TMEM204: variants seen among roughly 807,000 people sequenced by gnomAD.
The protein encoded by TMEM204 is claudin-like protein 24.
Under a neutral mutation model 19.4 loss-of-function variants are expected in TMEM204, and 15 were observed. The ratio of observed to expected loss-of-function variants is 0.77; its 90% CI spans 0.52 to 1.19. The LOEUF (loss-of-function observed/expected upper bound fraction) is 1.19, where lower values mean the gene tolerates loss of function less well. TMEM204 is among the 50% of genes most tolerant of loss of function. The pLI, the probability that TMEM204 is intolerant of heterozygous loss-of-function variation, is 0.00. For missense variants in TMEM204, 287 were observed against 321.2 expected (o/e 0.89, Z 0.81); for synonymous variants, 161 against 146.0 (o/e 1.10, Z -0.74).
chr16:1,536,436 C>A (rs2031079631), intron 1 of TMEM204, among the ~76,000 whole-genome samples: 1 of 152,178 alleles, frequency 6.6e-6, no homozygotes. Context: ...CCTGGTCAGC[C>A]CCTTGGACAA....
In TMEM204 at chr16:1,541,380, C is replaced by G. The variant is rs1413281441; in HGVS notation, c.281-541C>G. Reference sequence around the variant, plus strand: ...CCAGATGAGCTGCTTCTCCTCGGTCCCAAGTCCCTCAGCTGCTGGGAGGAG... The same window carrying G: ...CCAGATGAGCTGCTTCTCCTCGGTCGCAAGTCCCTCAGCTGCTGGGAGGAG... On this transcript the variant is annotated intron_variant, in intron 1 of 2. Coordinates refer to ENST00000566264, the MANE Select transcript of TMEM204 (RefSeq NM_024600.6). The G allele has an allele frequency of 7.1e-6, 7 of 985,300 alleles. No homozygotes were observed. The African/African-American group carries it at 8.7e-5, about 12-fold the overall frequency. The allele number at this position is 985,300 out of a possible 1,614,324, so 61.0% of individuals were successfully genotyped here.
intron 2 of TMEM204, among the ~76,000 whole-genome samples, chr16:1,544,135 A>T (rs1224726845): frequency 6.7e-6 from 1 of 149,788 alleles, no homozygotes; most frequent in Non-Finnish European, 1.5e-5. Context: ...CTCCTGCCTC[A>T]GCCTCCCGTG....
chr16:1,539,223 C>T (rs989444149), intron 1 of TMEM204, among the ~76,000 whole-genome samples: 1 of 151,864 alleles, frequency 6.6e-6, no homozygotes, highest in Non-Finnish European at 1.5e-5. Context: ...AACGCCGACC[C>T]AAGCCTCAGG....
Position 1,551,607 on chromosome 16 carries a change from G to A in TMEM204, c.437-3175G>A, listed in dbSNP as rs911327750. 2.6e-5 allele frequency among the ~76,000 whole-genome samples: 4 copies of A among 152,148 alleles called. No individual in the cohort carries two copies. The highest frequency in any genetic ancestry group is 1.3e-4 in the Admixed American group (2 of 15,282). On this transcript the variant is annotated intron_variant, in intron 2 of 2. Coordinates refer to ENST00000566264, the MANE Select transcript of TMEM204 (RefSeq NM_024600.6). This position sits in a 1 kb window ranked among gnomAD's most constrained non-coding sequence, Gnocchi z 4.0. ...ATCAGTATCCCCAGCAAGGTCACCC[G>A]GCACTGCTGCAGACACCTTGAAACG... is the stretch of plus-strand genomic sequence containing the variant.
intron 1 of TMEM204, among the ~76,000 whole-genome samples, chr16:1,537,036 T>A (rs1275908576): frequency 6.6e-6 from 1 of 152,206 alleles, no homozygotes; most frequent in East Asian, 1.9e-4. Context: ...TCCAGCCAGC[T>A]CCTAGCGTCT....
Position 1,555,043 on chromosome 16 carries a change from C to A in TMEM204, c.*17C>A, listed in dbSNP as rs12443936. ...CCATGCTGAGTCGCCCTTCTCAGCG[C>A]TCCATCAACGCACACCTGCTATCGT... On this transcript the variant is annotated 3_prime_UTR_variant, in exon 3 of 3. Transcript: ENST00000566264. The A allele has an allele frequency of 8.1e-6, 13 of 1,598,228 alleles. No individual in the cohort carries two copies. Among genetic ancestry groups the A allele is most frequent in the Admixed American group, 1.7e-5 (1 of 59,504 alleles).
In TMEM204 at chr16:1,554,767, T is replaced by G. The variant is rs1166001329; in HGVS notation, c.437-15T>G. The G allele has an allele frequency of 6.2e-7, 1 of 1,613,398 alleles. No homozygotes were observed. The highest frequency in any genetic ancestry group is 8.5e-7 in the Non-Finnish European group (1 of 1,179,520). ...CCTCTCAGACAAGGCCTCTCAACCCTTCTCTCATCTGCAGGTTTTGTCCTG... is the reference window on the plus strand; with the variant it reads ...CCTCTCAGACAAGGCCTCTCAACCCGTCTCTCATCTGCAGGTTTTGTCCTG... On this transcript the variant is annotated splice_polypyrimidine_tract_variant and intron_variant, in intron 2 of 2. Transcript: ENST00000566264.
chr16:1,534,032 T>C lies in TMEM204; in HGVS notation c.-244T>C. ...TTGCTGCTGCCCACCCTCTGCTCCCTGGGATGGGCCCCGAGGCGAGCAGCT... is the reference window on the plus strand; with the variant it reads ...TTGCTGCTGCCCACCCTCTGCTCCCCGGGATGGGCCCCGAGGCGAGCAGCT... On this transcript the variant is annotated 5_prime_UTR_variant, in exon 1 of 3. Coordinates refer to ENST00000566264, the MANE Select transcript of TMEM204 (RefSeq NM_024600.6). 1.9e-6 allele frequency: 1 copy of C among 530,384 alleles called. No individual in the cohort carries two copies. The highest frequency in any genetic ancestry group is 3.5e-5 in the East Asian group (1 of 28,262). 32.9% of individuals were successfully genotyped at this position (530,384 alleles called of 1,614,324 possible). A position where few individuals can be genotyped will look rare whatever the true frequency, so the allele number is the denominator to read the frequency against.
At chr16:1,548,481 C>T (rs892791641) in intron 2 of TMEM204, among the ~76,000 whole-genome samples, 1 of 152,252 alleles carries the variant, frequency 6.6e-6, no homozygotes, top group Non-Finnish European at 1.5e-5. Context: ...TTTGGCAACA[C>T]AACTTCATGA....
At chr16:1,545,048 C>CAA (rs1567352750) in intron 2 of TMEM204, among the ~76,000 whole-genome samples, 1 of 152,236 alleles carries the variant, frequency 6.6e-6, no homozygotes, top group Admixed American at 6.5e-5. Context: ...TTACTTCCTG[C>CAA]AAAATCTTAT....
At position 1,534,511 on chromosome 16, in the gene TMEM204, G is replaced by C; in HGVS notation, c.236G>C (p.Gly79Ala). Residue 79 changes from glycine to alanine, a missense_variant, in exon 1 of 3, where the codon GGC becomes GCC. Coordinates refer to ENST00000566264, the MANE Select transcript of TMEM204 (RefSeq NM_024600.6). Reference sequence around the variant, plus strand: ...CATGACTGTGAGGCGCTGGGCTGGGGCTCCGAGGCAGCCGGCTTCCAGGAG... The same window carrying C: ...CATGACTGTGAGGCGCTGGGCTGGGCCTCCGAGGCAGCCGGCTTCCAGGAG... ...DAHDCEALGW[G>A]SEAAGFQESR... The C allele has an allele frequency of 6.2e-7, 1 of 1,607,934 alleles. No homozygotes were observed. Among genetic ancestry groups the C allele is most frequent in the East Asian group, 2.2e-5 (1 of 44,878 alleles).
chr16:1,538,130 G>A (rs748896861), intron 1 of TMEM204, among the ~76,000 whole-genome samples: 5 of 152,202 alleles, frequency 3.3e-5, no homozygotes, highest in Non-Finnish European at 7.3e-5. Flanking sequence ...AGGCGGGAGC[G>A]TGGCTCAGAC....
rs374458197 is a variant in TMEM204 at position 1,534,274 on chromosome 16, C to T, written c.-2C>T. ...GGATAAGCGGCGGCACCGGCGTCAG[C>T]GATGACCGTGCAGAGACTCGTGGCC... On this transcript the variant is annotated 5_prime_UTR_variant, in exon 1 of 3. Coordinates refer to ENST00000566264, the MANE Select transcript of TMEM204 (RefSeq NM_024600.6). 14 of 1,610,914 alleles carry T rather than the reference C, an allele frequency of 8.7e-6. No individual in the cohort carries two copies. Among genetic ancestry groups the T allele is most frequent in the South Asian group, 4.4e-5 (4 of 91,000 alleles).
rs563104652 is a variant in TMEM204 at position 1,545,719 on chromosome 16, C to G, written c.436+3643C>G. Among the ~76,000 whole-genome samples the G allele has an allele frequency of 3.3e-5, 5 of 152,294 alleles. No homozygotes were observed. The South Asian group carries it at 1.0e-3, about 32-fold the overall frequency. On this transcript the variant is annotated intron_variant, in intron 2 of 2. Coordinates refer to ENST00000566264, the MANE Select transcript of TMEM204 (RefSeq NM_024600.6). ...AAAAGTACATGGAATTATGGGGAGG[C>G]TGGAATACCCTGGAAAGCCAGAGTG...
At chr16:1,537,385 G>A (rs946182860) in intron 1 of TMEM204, among the ~76,000 whole-genome samples, 8 of 152,338 alleles carry the variant, frequency 5.3e-5, no homozygotes, top group Non-Finnish European at 7.4e-5. Flanking sequence ...TCCAGCGCTC[G>A]TCACTCGCAA....
At chr16:1,540,910 T>G (rs1284179548) in intron 1 of TMEM204, 1 of 985,288 alleles carries the variant, frequency 1.0e-6, no homozygotes, top group Non-Finnish European at 1.2e-6. Context: ...CCAGGCTGAG[T>G]GTCTGTCAGC....
In TMEM204 at chr16:1,554,814, T is replaced by C. The variant is rs146726791; in HGVS notation, c.469T>C (p.Tyr157His). ...CCTGGTCATCGGGCTCGTGACTTTC[T>C]ACAGAATTGGCCCATACACCAACCT... ...FVLVIGLVTF[Y>H]RIGPYTNLSW... The change falls in exon 3 of 3, where the codon TAC (tyrosine) becomes CAC (histidine). Residue 157 changes from tyrosine to histidine, a missense_variant. Transcript: ENST00000566264. The C allele has an allele frequency of 5.0e-6, 8 of 1,614,188 alleles. No homozygotes were observed. The highest frequency in any genetic ancestry group is 6.8e-6 in the Non-Finnish European group (8 of 1,180,034).
chr16:1,544,655 TTTTC>T (rs1313807894), intron 2 of TMEM204, among the ~76,000 whole-genome samples: 1 of 151,752 alleles, frequency 6.6e-6, no homozygotes, highest in Non-Finnish European at 1.5e-5. Flanking sequence ...TTTTTCTTTT[TTTTC>T]TTTTTTTGAG....
upstream of TMEM204, chr16:1,532,239 G>A (rs1445477612): frequency 1.3e-5 from 2 of 152,288 alleles, no homozygotes; most frequent in East Asian, 3.9e-4. Context: ...AACAGAAATA[G>A]AAACAGCAGC....
Sources: gnomAD v4.1 joint callset for allele counts (sites outside exome capture counted in the v4.1 genomes callset) on GRCh38, gnomAD v4.1.1 for gene constraint, Gnocchi (gnomAD v3.1) non-coding constraint, MANE v1.5 for transcripts, NCBI Gene and HGNC (gene_info 2026-07-23, HGNC 2026-07-21) for gene names.